Variants in SLC24A4 observed in about 807,000 individuals in gnomAD.
SLC24A4 encodes sodium/potassium/calcium exchanger 4.
SLC24A4 carries 53 observed loss-of-function variants against 79.0 expected under a neutral mutation model. The observed-to-expected ratio is 0.67, with a 90% CI of 0.54 to 0.84. The LOEUF is 0.84. Among genes scored for constraint, SLC24A4 ranks in the 40% least tolerant of loss-of-function variants. The probability of loss-of-function intolerance (pLI) is 0.00; values close to 1 mark genes in which losing one functional copy is unlikely to be tolerated. For synonymous variants in SLC24A4, 323 were observed against 323.8 expected (o/e 1.00, Z 0.03); for missense variants, 731 against 822.0 (o/e 0.89, Z 1.35).
At chr14:92,477,628 T>G (rs1323790882) in intron 12 of SLC24A4, among the ~76,000 whole-genome samples, 1 of 152,136 alleles carries the variant, frequency 6.6e-6, no homozygotes, top group Non-Finnish European at 1.5e-5. Context: ...CTAGTTTTTG[T>G]ATTTTTTGTA....
At chr14:92,377,379 C>A (rs1478094318) in intron 2 of SLC24A4, among the ~76,000 whole-genome samples, 1 of 152,220 alleles carries the variant, frequency 6.6e-6, no homozygotes, top group Non-Finnish European at 1.5e-5. Context: ...GGAAGCAGAC[C>A]TTGAGCAGGT....
chr14:92,474,294 G>A (rs1894591925), intron 12 of SLC24A4, among the ~76,000 whole-genome samples: 2 of 152,136 alleles, frequency 1.3e-5, no homozygotes, highest in Admixed American at 6.5e-5. Context: ...CATTTAATAT[G>A]TGTTGAGTTC....
chr14:92,416,216 C>T (rs1263827545), intron 2 of SLC24A4, among the ~76,000 whole-genome samples: 1 of 151,786 alleles, frequency 6.6e-6, no homozygotes, highest in Non-Finnish European at 1.5e-5. Context: ...GCCTAACGTG[C>T]CGGGTGAAGA....
intron 3 of SLC24A4, among the ~76,000 whole-genome samples, chr14:92,434,533 T>C (rs1892058822): frequency 6.6e-6 from 1 of 152,202 alleles, no homozygotes; most frequent in Non-Finnish European, 1.5e-5. Context: ...GTTTTATCTT[T>C]TTCTGGGCCA....
chr14:92,372,361 G>C (rs1196235994), intron 2 of SLC24A4, among the ~76,000 whole-genome samples: 1 of 152,186 alleles, frequency 6.6e-6, no homozygotes, highest in Non-Finnish European at 1.5e-5. Context: ...GGCCAGCTCT[G>C]ATGTTGACCA....
intron 2 of SLC24A4, among the ~76,000 whole-genome samples, chr14:92,416,009 TG>T (rs2141806391): frequency 6.6e-6 from 1 of 152,224 alleles, no homozygotes; most frequent in South Asian, 2.1e-4. Flanking sequence ...AAACATACGA[TG>T]TTTGGTTTTC....
chr14:92,339,513 A>G (rs1886004495), intron 2 of SLC24A4, among the ~76,000 whole-genome samples: 2 of 152,188 alleles, frequency 1.3e-5, no homozygotes, highest in Non-Finnish European at 2.9e-5. Flanking sequence ...AGAGAGGTTC[A>G]ATAACTTGCT....
At chr14:92,470,675 G>T (rs4904925) in intron 12 of SLC24A4, among the ~76,000 whole-genome samples, 105,589 of 151,742 alleles carry the variant, frequency 0.7, 38,040 homozygotes, top group Non-Finnish European at 0.8. Flanking sequence ...CTCCAATATT[G>T]CACCCAACGA....
intron 12 of SLC24A4, among the ~76,000 whole-genome samples, chr14:92,468,122 A>G (rs750723684): frequency 6.6e-6 from 1 of 152,196 alleles, no homozygotes; most frequent in Non-Finnish European, 1.5e-5. Flanking sequence ...TTAACACCTT[A>G]GTCATTAACA....
rs1429455742 is a variant in SLC24A4 at position 92,499,383 on chromosome 14, G to A, written c.*5755G>A. ...AAATCCACAGAGTGCCTGTGGGAAA[G>A]CCAAGCCCTTGGCTGTGTGGCTTTT... On this transcript the variant is annotated 3_prime_UTR_variant, in exon 17 of 17. Transcript: ENST00000532405. 1 of 152,236 alleles carries A rather than the reference G, an allele frequency of 6.6e-6. No homozygotes were observed. The highest frequency in any genetic ancestry group is 1.5e-5 in the Non-Finnish European group (1 of 68,050). 9.4% of individuals were successfully genotyped at this position (152,236 alleles called of 1,614,324 possible).
At chr14:92,427,287 C>T (rs1343955655) in intron 2 of SLC24A4, among the ~76,000 whole-genome samples, 1 of 152,216 alleles carries the variant, frequency 6.6e-6, no homozygotes, top group Admixed American at 6.5e-5. Context: ...ATTTCATGAA[C>T]ACCTACTTCG....
chr14:92,403,742 G>A (rs1306180632), intron 2 of SLC24A4, among the ~76,000 whole-genome samples: 1 of 152,044 alleles, frequency 6.6e-6, no homozygotes, highest in African/African-American at 2.4e-5. Flanking sequence ...TTCAAAGTAG[G>A]CATCTCTCAT....
chr14:92,355,920 T>G (rs370367503), intron 2 of SLC24A4, among the ~76,000 whole-genome samples: 11 of 152,304 alleles, frequency 7.2e-5, no homozygotes, highest in African/African-American at 1.7e-4. Context: ...CACTGGAAGG[T>G]CTGAGGGCTG....
chr14:92,394,534 C>G (rs955600901), intron 2 of SLC24A4, among the ~76,000 whole-genome samples: 2 of 152,174 alleles, frequency 1.3e-5, no homozygotes, highest in Non-Finnish European at 2.9e-5. Context: ...ATGGTTATAG[C>G]CTGGACAACA....
chr14:92,394,266 G>T (rs1362241958), intron 2 of SLC24A4, among the ~76,000 whole-genome samples: 2 of 151,800 alleles, frequency 1.3e-5, no homozygotes, highest in South Asian at 2.1e-4. Flanking sequence ...TCTTGGTTTG[G>T]GGAAATCACA....
intron 3 of SLC24A4, among the ~76,000 whole-genome samples, chr14:92,437,229 T>A (rs903182609): frequency 1.3e-5 from 2 of 152,236 alleles, no homozygotes; most frequent in Admixed American, 6.5e-5. Flanking sequence ...CTCTCTCTAT[T>A]CTACCTGTTG....
chr14:92,427,254 C>T (rs1285995020), intron 2 of SLC24A4, among the ~76,000 whole-genome samples: 10 of 152,160 alleles, frequency 6.6e-5, no homozygotes, highest in African/African-American at 2.4e-5. Flanking sequence ...GGGAGGAGCC[C>T]GAAGTACATT....
chr14:92,410,298 C>T (rs550862016), intron 2 of SLC24A4, among the ~76,000 whole-genome samples: 21 of 152,326 alleles, frequency 1.4e-4, no homozygotes, highest in African/African-American at 5.1e-4. Context: ...CCTCCTGCCT[C>T]AGCCTCCTGA....
intron 2 of SLC24A4, among the ~76,000 whole-genome samples, chr14:92,404,531 A>ACC (rs1566743025): frequency 6.6e-6 from 1 of 152,136 alleles, no homozygotes; most frequent in East Asian, 1.9e-4. Flanking sequence ...CTTTTCTCCA[A>ACC]CACAGCAGCA....
Sources: gnomAD v4.1 joint callset for allele counts (sites outside exome capture counted in the v4.1 genomes callset) on GRCh38, gnomAD v4.1.1 for gene constraint, MANE v1.5 for transcripts, NCBI Gene and HGNC (gene_info 2026-07-23, HGNC 2026-07-21) for gene names.